The following RASGRP2 variants were observed in gnomAD, a reference collection of about 807,000 sequenced individuals.
RASGRP2 encodes RAS guanyl-releasing protein 2.
A neutral mutation model predicts 71.0 loss-of-function variants in RASGRP2; 44 were observed. The observed-to-expected ratio is 0.62, with a 90% CI of 0.49 to 0.80. The LOEUF is 0.80. RASGRP2 is among the 30% of genes least tolerant of loss of function. The probability of loss-of-function intolerance (pLI) is 0.00; values close to 1 mark genes in which losing one functional copy is unlikely to be tolerated. For synonymous variants in RASGRP2, 350 were observed against 330.7 expected (o/e 1.06, Z -0.63); for missense variants, 663 against 813.4 (o/e 0.82, Z 2.25).
In RASGRP2 at chr11:64,743,960, A is replaced by C; in HGVS notation, c.-72+43T>G. 1 of 997,220 alleles carries C rather than the reference A, an allele frequency of 1.0e-6. No individual in the cohort carries two copies. Among genetic ancestry groups the C allele is most frequent in the Non-Finnish European group, 1.2e-6 (1 of 835,368 alleles). 61.8% of individuals were successfully genotyped at this position (997,220 alleles called of 1,614,324 possible). On this transcript the variant is annotated intron_variant, in intron 1 of 16. Coordinates refer to ENST00000394432, the MANE Select transcript of RASGRP2 (RefSeq NM_001098671.2). This position sits in a 1 kb window ranked among gnomAD's most constrained non-coding sequence, Gnocchi z 4.9. ...GTCTCTCACACACAATGGCACCCAC[A>C]CCCTGTGCACACCTGCACGAAGAAA... is the stretch of plus-strand genomic sequence containing the variant.
In RASGRP2 at chr11:64,740,093, G is replaced by A; in HGVS notation, c.442C>T (p.Leu148=). Residue 148 remains leucine, a synonymous_variant, in exon 6 of 17, where the codon CTG becomes TTG. Transcript: ENST00000394432. ...PVGQKKRKMS[L]LFDHLEPMEL... is the part of the protein sequence containing the mutation. Reference sequence around the variant, plus strand: ...ATGGGCTCCAGGTGGTCAAACAACAGGGACATCTTGCGCTTTTTCTGTCCC... The same window carrying A: ...ATGGGCTCCAGGTGGTCAAACAACAAGGACATCTTGCGCTTTTTCTGTCCC... The A allele has an allele frequency of 1.2e-6, 2 of 1,614,138 alleles. No individual in the cohort carries two copies. The highest frequency in any genetic ancestry group is 1.7e-6 in the Non-Finnish European group (2 of 1,180,030).
chr11:64,739,124 G>A lies in RASGRP2; in HGVS notation c.813+236C>T, dbSNP rs1384742721. On this transcript the variant is annotated intron_variant, in intron 8 of 16. Transcript: ENST00000394432. This position sits in a 1 kb window ranked among gnomAD's most constrained non-coding sequence, Gnocchi z 4.2. ...ACTGAACTCCAGTCTGGACAACAGA[G>A]AGAGAGACCCTGTCTTAAAAAAAAA... Among the ~76,000 whole-genome samples, 1 of 150,760 alleles carries A rather than the reference G, an allele frequency of 6.6e-6. No individual in the cohort carries two copies. Among genetic ancestry groups the A allele is most frequent in the African/African-American group, 2.4e-5 (1 of 40,860 alleles).
chr11:64,742,945 G>T lies in RASGRP2; in HGVS notation c.-71-8C>A. The T allele has an allele frequency of 6.5e-7, 1 of 1,529,764 alleles. No individual in the cohort carries two copies. Among genetic ancestry groups the T allele is most frequent in the South Asian group, 1.2e-5 (1 of 83,542 alleles). 94.8% of individuals were successfully genotyped at this position (1,529,764 alleles called of 1,614,324 possible). ...CGGGCTCGGACCGAACCCCTGTCCC[G>T]GGAGAGGCAGAGCGGGAGTCTGCGG... is the stretch of plus-strand genomic sequence containing the variant. On this transcript the variant is annotated splice_polypyrimidine_tract_variant and splice_region_variant and intron_variant, in intron 1 of 16. Coordinates refer to ENST00000394432, the MANE Select transcript of RASGRP2 (RefSeq NM_001098671.2). This position sits in a 1 kb window ranked among gnomAD's most constrained non-coding sequence, Gnocchi z 4.7.
At chr11:64,741,588 GAC>G (rs2058124674) in intron 3 of RASGRP2, 87 bp from the exon 4 acceptor site, 1 of 1,207,580 alleles carries the variant, frequency 8.3e-7, no homozygotes, top group Admixed American at 2.0e-5. Context: ...GGTTCTAGGA[GAC>G]ACGTTCTAGG....
At position 64,744,133 on chromosome 11, in the gene RASGRP2, G is replaced by T. The variant is rs2058233174; in HGVS notation, c.-202C>A. 1 of 987,046 alleles carries T rather than the reference G, an allele frequency of 1.0e-6. No individual in the cohort carries two copies. The highest frequency in any genetic ancestry group is 6.1e-5 in the Admixed American group (1 of 16,296). The allele number at this position is 987,046 out of a possible 1,614,324, so 61.1% of individuals were successfully genotyped here. The stretch of plus-strand genomic sequence containing the variant: ...GACATCCTCACACGTGTGCACACAC[G>T]CAAGGCAGTGCCTCTCCACGCATGT... On this transcript the variant is annotated 5_prime_UTR_variant, in exon 1 of 17. Transcript: ENST00000394432.
upstream of RASGRP2, chr11:64,744,182 C>A (rs1202424509): frequency 3.0e-6 from 3 of 986,230 alleles, no homozygotes; most frequent in Non-Finnish European, 3.6e-6. Context: ...CATGCACACA[C>A]CCCCATGGGT....
At position 64,730,071 on chromosome 11, in the gene RASGRP2, G is replaced by A. The variant is rs530510212; in HGVS notation, c.1536C>T (p.Cys512=). The A allele has an allele frequency of 4.6e-5, 71 of 1,550,776 alleles. No individual in the cohort carries two copies. The East Asian group carries it at 1.7e-3, about 36-fold the overall frequency. Residue 512 remains cysteine (C), a synonymous_variant, in exon 13 of 17, where the codon TGC becomes TGT. Coordinates refer to ENST00000394432, the MANE Select transcript of RASGRP2 (RefSeq NM_001098671.2). Reference sequence around the variant, plus strand: ...CTCTCACCAGGGCTTTGCAGTGGCGGCAGGCGACGGGGCGCAAGGAGTTGC... The same window carrying A: ...CTCTCACCAGGGCTTTGCAGTGGCGACAGGCGACGGGGCGCAAGGAGTTGC... The part of the protein sequence containing the change: ...QESNSLRPVA[C]RHCKALILGI...
At chr11:64,729,147 A>G (rs2057675479) in intron 14 of RASGRP2, 105 bp from the exon 15 acceptor site, 4 of 1,159,478 alleles carry the variant, frequency 3.4e-6, no homozygotes, top group Non-Finnish European at 5.0e-6. Context: ...GTTCCTGAGC[A>G]GCTGCCCCAC....
At chr11:64,729,633 G>C in intron 14 of RASGRP2, 129 bp downstream of exon 14, 1 of 1,181,048 alleles carries the variant, frequency 8.5e-7, no homozygotes, top group South Asian at 1.2e-5. Context: ...CACCATGCCC[G>C]GCCATGCGCC....
rs2135756319 is a variant in RASGRP2, at chr11:64,735,620, T to C, written c.1218A>G (p.Val406=). The C allele has an allele frequency of 1.9e-6, 3 of 1,613,908 alleles. No homozygotes were observed. Among genetic ancestry groups the C allele is most frequent in the Non-Finnish European group, 2.5e-6 (3 of 1,179,940 alleles). Residue 406 remains valine, a synonymous_variant, in exon 11 of 17, where the codon GTA becomes GTG. Coordinates refer to ENST00000394432, the MANE Select transcript of RASGRP2 (RefSeq NM_001098671.2). The surrounding 1 kb of genome is among the most constrained non-coding windows in gnomAD (Gnocchi z 4.2). The part of the protein sequence containing the change: ...TSCTPPPRPP[V]LEEWTSAAKP... ...TGGCAGCCGAGGTCCACTCCTCCAG[T>C]ACCGGGGGCCGGGGTGGTGGGGTGC... is the stretch of plus-strand genomic sequence containing the variant.
rs200434813 is a variant in RASGRP2 at position 64,736,815 on chromosome 11, C to T, written c.1033G>A (p.Ala345Thr). The change falls in exon 9 of 17, where the codon GCC becomes ACC. Residue 345 changes from alanine (A) to threonine (T), a missense_variant. Physicochemically the swap from Ala to Thr is moderately conservative, Grantham distance 58. Transcript: ENST00000394432. ...KQLFSILEEL[A>T]MVTSLRPPVQ... ...GGTGGCCGCAGGCTGGTCACCATGGCCAGCTCCTCCAGGATGCTAAAGAGC... is the reference window on the plus strand; with the variant it reads ...GGTGGCCGCAGGCTGGTCACCATGGTCAGCTCCTCCAGGATGCTAAAGAGC... 2.3e-5 allele frequency: 37 copies of T among 1,611,242 alleles called. No homozygotes were observed. Among genetic ancestry groups the T allele is most frequent in the Non-Finnish European group, 3.1e-5 (36 of 1,179,472 alleles).
rs1265689652 is a variant in RASGRP2, at chr11:64,742,457, C to T, written c.73+337G>A. 2 of 561,488 alleles carry T rather than the reference C, an allele frequency of 3.6e-6. No individual in the cohort carries two copies. Among genetic ancestry groups the T allele is most frequent in the East Asian group, 6.1e-5 (2 of 32,858 alleles). The allele number at this position is 561,488 out of a possible 1,614,324, so 34.8% of individuals were successfully genotyped here. The stretch of plus-strand genomic sequence containing the variant: ...AGGGGCACCCCTTCACCAGATAAGC[C>T]GCCCCCCATTAGCCGGAAACAGCTC... On this transcript the variant is annotated intron_variant, in intron 2 of 16. Coordinates refer to ENST00000394432, the MANE Select transcript of RASGRP2 (RefSeq NM_001098671.2). The surrounding 1 kb of genome is among the most constrained non-coding windows in gnomAD (Gnocchi z 4.7).
chr11:64,734,727 T>G (rs79717398), intron 12 of RASGRP2, among the ~76,000 whole-genome samples: 1 of 152,200 alleles, frequency 6.6e-6, no homozygotes, highest in African/African-American at 2.4e-5. Context: ...TATGAACTGT[T>G]GATAAACAAC....
chr11:64,733,883 G>A (rs1458667065), intron 12 of RASGRP2, among the ~76,000 whole-genome samples: 45 of 132,288 alleles, frequency 3.4e-4, no homozygotes, highest in African/African-American at 1.2e-3. Flanking sequence ...GGGTGATCTC[G>A]CGCAGTCACC....
rs149463282 is a variant in RASGRP2 at position 64,741,483 on chromosome 11, C to T, written c.195G>A (p.Lys65=). 309 of 1,581,090 alleles carry T rather than the reference C, an allele frequency of 2.0e-4. No individual in the cohort carries two copies. The highest frequency in any genetic ancestry group is 2.3e-4 in the Non-Finnish European group (273 of 1,162,176). ...TCACCTGCAGGGAATTGGAGTTGTC[C>T]TTCCGGGATTGTTGGTAGGTGAAGG... ...KLLHIYQQSR[K]DNSNSLQVKT... is the part of the protein sequence containing the mutation. Residue 65 remains lysine, a synonymous_variant, in exon 4 of 17, where the codon AAG becomes AAA. Transcript: ENST00000394432.
chr11:64,740,944 G>A lies in RASGRP2; in HGVS notation c.371+4C>T, dbSNP rs941955402. On this transcript the variant is annotated splice_donor_region_variant and intron_variant, in intron 5 of 16. Coordinates refer to ENST00000394432, the MANE Select transcript of RASGRP2 (RefSeq NM_001098671.2). ...CCCCAGCCCTCTGTGCTCCCCCCACGCACACGCTGTCTATGTCGATTAGGC... is the reference window on the plus strand; with the variant it reads ...CCCCAGCCCTCTGTGCTCCCCCCACACACACGCTGTCTATGTCGATTAGGC... 9.3e-6 allele frequency: 15 copies of A among 1,612,980 alleles called. No individual in the cohort carries two copies. The highest frequency in any genetic ancestry group is 3.3e-4 in the Middle Eastern group (2 of 6,064).
rs1160126563 is a variant in RASGRP2 at position 64,730,186 on chromosome 11, C to G, written c.1421G>C (p.Cys474Ser). ...GGAAACCATCTCCTCCCTGCTGATG[C>G]AGCCATCCCTGTGGGGAGTTGCGGG... ...FGDLDQNQDG[C>S]ISREEMVSYF... Residue 474 changes from cysteine to serine, a missense_variant, in exon 13 of 17, where the codon TGC (cysteine) becomes TCC (serine). Physicochemically the swap from Cys to Ser is moderately radical, Grantham distance 112. Coordinates refer to ENST00000394432, the MANE Select transcript of RASGRP2 (RefSeq NM_001098671.2). The G allele has an allele frequency of 1.3e-6, 2 of 1,551,548 alleles. No individual in the cohort carries two copies. Among genetic ancestry groups the G allele is most frequent in the Non-Finnish European group, 1.7e-6 (2 of 1,147,026 alleles).
At position 64,742,840 on chromosome 11, in the gene RASGRP2, C is replaced by A; in HGVS notation, c.27G>T (p.Lys9Asn). 1 of 1,606,094 alleles carries A rather than the reference C, an allele frequency of 6.2e-7. No homozygotes were observed. Among genetic ancestry groups the A allele is most frequent in the Non-Finnish European group, 8.5e-7 (1 of 1,177,812 alleles). ...GGAGCAGCTCCTCCACCGTGCAGCC[C>A]TTGTCCAGGTCCAGGGTGCCTGCCA... Reference protein sequence around the residue: MAGTLDLDKGCTVEELLRG... With the variant: MAGTLDLDNGCTVEELLRG... Residue 9 changes from lysine (K) to asparagine (N), a missense_variant, in exon 2 of 17, where the codon AAG (lysine) becomes AAT (asparagine). Physicochemically the swap from Lys to Asn is moderately conservative, Grantham distance 94. Coordinates refer to ENST00000394432, the MANE Select transcript of RASGRP2 (RefSeq NM_001098671.2). This position sits in a 1 kb window ranked among gnomAD's most constrained non-coding sequence, Gnocchi z 4.7.
At position 64,729,840 on chromosome 11, in the gene RASGRP2, G is replaced by A. The variant is rs759761517; in HGVS notation, c.1555-42C>T. On this transcript the variant is annotated intron_variant, in intron 13 of 16. Coordinates refer to ENST00000394432, the MANE Select transcript of RASGRP2 (RefSeq NM_001098671.2). ...GCCGTGGTGGGAGGAGGGATTTAGA[G>A]GTGATGACTCTACTTCTTCCTTCTT... 5.5e-5 allele frequency: 89 copies of A among 1,610,318 alleles called. No homozygotes were observed. In the South Asian group the frequency reaches 9.0e-4, roughly 16 times the overall value.
Sources: gnomAD v4.1 joint callset for allele counts (sites outside exome capture counted in the v4.1 genomes callset) on GRCh38, gnomAD v4.1.1 for gene constraint, Gnocchi (gnomAD v3.1) non-coding constraint, MANE v1.5 for transcripts, NCBI Gene and HGNC (gene_info 2026-07-23, HGNC 2026-07-21) for gene names.